SENP2: variants seen among roughly 807,000 people sequenced by gnomAD.
SENP2 encodes sentrin-specific protease 2.
SENP2 carries 16 observed loss-of-function variants against 86.3 expected under a neutral mutation model. The observed-to-expected ratio is 0.19, with a 90% CI of 0.13 to 0.28. The LOEUF (loss-of-function observed/expected upper bound fraction) is 0.28. SENP2 is among the 10% of genes least tolerant of loss of function. SENP2 has a pLI of 1.00. For synonymous variants in SENP2, 222 were observed against 238.7 expected, an observed-to-expected ratio of 0.93 and a Z score of 0.64; for missense variants, 552 against 703.0, an observed-to-expected ratio of 0.79 and a Z score of 2.43.
At chr3:185,592,007 A>ATTTATTTTTTTTTTTTTTT (rs1261238822) in intron 2 of SENP2, among the ~76,000 whole-genome samples, 1 of 35,082 alleles carries the variant, frequency 2.9e-5, no homozygotes, top group Non-Finnish European at 5.7e-5. Context: ...AACCGGTAAT[A>ATTTATTTTTTTTTTTTTTT]TTTCTTTTTT....
Position 185,619,505 on chromosome 3 carries a change from G to A in SENP2, c.1446+3G>A, listed in dbSNP as rs535849370. ...GGAAGGTACATTGGAGCCTGGTGGT[G>A]AGTAGAGAGGGTTAATGGTTAATTG... On this transcript the variant is annotated splice_donor_region_variant and intron_variant, in intron 13 of 16. Transcript: ENST00000296257. The A allele has an allele frequency of 6.2e-7, 1 of 1,612,872 alleles. No homozygotes were observed. The highest frequency in any genetic ancestry group is 1.3e-5 in the African/African-American group (1 of 75,018).
intron 5 of SENP2, among the ~76,000 whole-genome samples, chr3:185,604,881 G>A (rs999941409): frequency 2.9e-4 from 44 of 150,978 alleles, no homozygotes; most frequent in Non-Finnish European, 5.6e-4. Flanking sequence ...TCAGTCTCTC[G>A]AGTAGCTGGG....
intron 16 of SENP2, among the ~76,000 whole-genome samples, chr3:185,626,728 G>A (rs936727763): frequency 1.4e-4 from 21 of 151,850 alleles, no homozygotes; most frequent in South Asian, 4.2e-4. Context: ...AGCCGAGGTC[G>A]CACCAGTGCA....
intron 9 of SENP2, 144 bp from the exon 10 acceptor site, chr3:185,613,201 A>G: frequency 1.7e-6 from 1 of 584,102 alleles, no homozygotes; most frequent in Non-Finnish European, 3.0e-6. Context: ...TTTTCAGAAA[A>G]GTTCGTTGAC....
At chr3:185,621,246 A>AT (rs1711860467) in intron 13 of SENP2, among the ~76,000 whole-genome samples, 1 of 132,884 alleles carries the variant, frequency 7.5e-6, no homozygotes, top group Non-Finnish European at 1.6e-5. Context: ...AAAAAAAAAA[A>AT]GTCTCATCAC....
Position 185,593,612 on chromosome 3 carries a change from T to G in SENP2, c.157+3443T>G, listed in dbSNP as rs115963311. 4.5e-3 allele frequency among the ~76,000 whole-genome samples: 681 copies of G among 152,342 alleles called. 5 individuals carry two copies. Among genetic ancestry groups the G allele is most frequent in the African/African-American group, 0.015 (637 of 41,582 alleles). ...TTTGAGGTGCTCACATCCTGTTTAT[T>G]TCACACAGAAAATCTTGATTTAATG... is the stretch of plus-strand genomic sequence containing the variant. On this transcript the variant is annotated intron_variant, in intron 2 of 16. Transcript: ENST00000296257.
rs1381343461 is a variant in SENP2 at position 185,587,882 on chromosome 3, C to T, written c.101+1368C>T. On this transcript the variant is annotated intron_variant, in intron 1 of 16. Coordinates refer to ENST00000296257, the MANE Select transcript of SENP2 (RefSeq NM_021627.3). Reference sequence around the variant, plus strand: ...CCGGAATAGCTGGGATTACAGGCGCCTGCCACTGCACCCGGCTTATATTTT... The same window carrying T: ...CCGGAATAGCTGGGATTACAGGCGCTTGCCACTGCACCCGGCTTATATTTT... Among the ~76,000 whole-genome samples, 3 of 150,866 alleles carry T rather than the reference C, an allele frequency of 2.0e-5. No individual in the cohort carries two copies. In the East Asian group the frequency reaches 5.8e-4, roughly 29 times the overall value.
intron 11 of SENP2, 108 bp downstream of exon 11, chr3:185,614,848 A>T: frequency 1.0e-6 from 1 of 989,008 alleles, no homozygotes; most frequent in Non-Finnish European, 1.5e-6. Context: ...AGGGGTGAAT[A>T]TATGAAAACA....
At chr3:185,600,643 G>T in intron 4 of SENP2, 122 bp from the exon 5 acceptor site, 1 of 651,808 alleles carries the variant, frequency 1.5e-6, no homozygotes, top group Non-Finnish European at 2.7e-6. Flanking sequence ...AATAGAAATT[G>T]AAAAACAAGA....
At chr3:185,597,424 C>A (rs1722209956) in intron 2 of SENP2, among the ~76,000 whole-genome samples, 1 of 152,094 alleles carries the variant, frequency 6.6e-6, no homozygotes, top group African/African-American at 2.4e-5. Context: ...GTGATCTTGG[C>A]TCACTGCAAC....
In SENP2 at chr3:185,630,814, T is replaced by C. The variant is rs1288896214; in HGVS notation, c.*970T>C. The C allele has an allele frequency of 6.6e-6, 1 of 152,486 alleles. No individual in the cohort carries two copies. The highest frequency in any genetic ancestry group is 1.5e-5 in the Non-Finnish European group (1 of 68,042). The allele number at this position is 152,486 out of a possible 1,614,324, so 9.4% of individuals were successfully genotyped here. On this transcript the variant is annotated 3_prime_UTR_variant, in exon 17 of 17. Transcript: ENST00000296257. ...TTCCTCAGAGTTTTTGTTTTCTATA[T>C]ATTAAGTCTAAATTAAGTTTTCTAC...
chr3:185,587,676 C>T (rs890977556), intron 1 of SENP2, among the ~76,000 whole-genome samples: 2 of 148,466 alleles, frequency 1.3e-5, no homozygotes, highest in Non-Finnish European at 3.0e-5. Flanking sequence ...ACGCCATTCT[C>T]CTGCCTCAGC....
At chr3:185,619,639 GT>G (rs911344384) in intron 13 of SENP2, 137 bp downstream of exon 13, 681 of 409,404 alleles carry the variant, frequency 1.7e-3, no homozygotes, top group Middle Eastern at 4.0e-3. Context: ...TCTCTTTTTA[GT>G]TTTTTTTTTA....
chr3:185,586,601 A>T lies in SENP2; in HGVS notation c.101+87A>T. The T allele has an allele frequency of 1.5e-6, 2 of 1,307,394 alleles. No individual in the cohort carries two copies. The highest frequency in any genetic ancestry group is 1.2e-5 in the South Asian group (1 of 83,924). 81.0% of individuals were successfully genotyped at this position (1,307,394 alleles called of 1,614,324 possible). Reference sequence around the variant, plus strand: ...CGGCCGTGATAGCTTTGATTCAGCCAGGCTCACCCGAAACAGGTCGCCGGG... The same window carrying T: ...CGGCCGTGATAGCTTTGATTCAGCCTGGCTCACCCGAAACAGGTCGCCGGG... On this transcript the variant is annotated intron_variant, in intron 1 of 16. Transcript: ENST00000296257. This position sits in a 1 kb window ranked among gnomAD's most constrained non-coding sequence, Gnocchi z 4.3.
chr3:185,629,453 C>G (rs188879019), intron 16 of SENP2, among the ~76,000 whole-genome samples: 3 of 152,112 alleles, frequency 2.0e-5, no homozygotes, highest in African/African-American at 7.2e-5. Context: ...TGGCACATAC[C>G]TGTAGTCCCA....
rs1343638388 is a variant in SENP2, at chr3:185,612,633, C to G, written c.844C>G (p.Leu282Val). 1 of 1,609,502 alleles carries G rather than the reference C, an allele frequency of 6.2e-7. No individual in the cohort carries two copies. The highest frequency in any genetic ancestry group is 1.1e-5 in the South Asian group (1 of 90,840). Residue 282 changes from leucine to valine, a missense_variant, in exon 9 of 17, where the codon CTA (leucine) becomes GTA (valine). Leu to Val is a conservative substitution (Grantham distance 32, BLOSUM62 1). Around this residue, in one of 2 missense-constraint regions of SENP2, gnomAD observed 383 missense variants for 427.3 expected, o/e 0.90. Transcript: ENST00000296257. Reference sequence around the variant, plus strand: ...TAGACTTGTTGAAACAAGGGGACCTCTATGTTCATTGAGAAGTGAAAAGAG... The same window carrying G: ...TAGACTTGTTGAAACAAGGGGACCTGTATGTTCATTGAGAAGTGAAAAGAG... ...QYRLVETRGP[L>V]CSLRSEKRCS...
At chr3:185,618,673 C>T (rs1711716426) in intron 12 of SENP2, among the ~76,000 whole-genome samples, 2 of 151,916 alleles carry the variant, frequency 1.3e-5, no homozygotes, top group Non-Finnish European at 2.9e-5. Flanking sequence ...GGTCAGGAGA[C>T]CGAGACCACC....
At chr3:185,625,623 A>ATAAG (rs1207688557) in intron 15 of SENP2, among the ~76,000 whole-genome samples, 1 of 152,086 alleles carries the variant, frequency 6.6e-6, no homozygotes, top group East Asian at 1.9e-4. Flanking sequence ...TTATGCTCTT[A>ATAAG]GTGCTGCTTG....
At chr3:185,616,745 G>A (rs372679727) in intron 11 of SENP2, among the ~76,000 whole-genome samples, 15 of 149,586 alleles carry the variant, frequency 1.0e-4, no homozygotes, top group African/African-American at 3.2e-4. Context: ...ACTGCACTCC[G>A]GCCTGGGAGA....
Sources: gnomAD v4.1 joint callset for allele counts (sites outside exome capture counted in the v4.1 genomes callset) on GRCh38, gnomAD v4.1.1 for gene constraint, gnomAD v4.1.1 regional missense constraint, Gnocchi (gnomAD v3.1) non-coding constraint, MANE v1.5 for transcripts, NCBI Gene and HGNC (gene_info 2026-07-23, HGNC 2026-07-21) for gene names.